Variants in RBFOX1 observed in about 807,000 individuals in gnomAD.
RBFOX1 encodes RNA binding fox-1 homolog 1.
RBFOX1 carries 8 observed loss-of-function variants against 57.7 expected under a neutral mutation model. That is an observed-to-expected ratio of 0.14 (90% CI 0.08 to 0.25). The LOEUF (loss-of-function observed/expected upper bound fraction) is 0.25, where lower values mean the gene tolerates loss of function less well. RBFOX1 is among the 10% of genes least tolerant of loss of function. RBFOX1 has a pLI of 1.00. For missense variants in RBFOX1, 611 were observed against 548.5 expected (o/e 1.11, Z -1.14); for synonymous variants, 326 against 222.4 (o/e 1.47, Z -4.15).
chr16:6,525,150 G>T (rs1032250489), intron 2 of RBFOX1, among the ~76,000 whole-genome samples: 1 of 152,138 alleles, frequency 6.6e-6, no homozygotes, highest in Admixed American at 6.6e-5. Context: ...ATTGGGAATT[G>T]CTTGCAAACA....
At chr16:7,029,198 G>A (rs145786457) in intron 3 of RBFOX1, among the ~76,000 whole-genome samples, 1,314 of 25,318 alleles carry the variant, frequency 0.052, 156 homozygotes, top group East Asian at 0.38. Flanking sequence ...ATACACATAT[G>A]TATACGTATA....
At position 7,526,108 on chromosome 16, in the gene RBFOX1, A is replaced by T. The variant is rs1200673977; in HGVS notation, c.270+7719A>T. ...AGATTCTCAGAGAAGCGTGAACCCT[A>T]TTGTGAACTGTACATGCGAGGGATC... is the stretch of plus-strand genomic sequence containing the variant. On this transcript the variant is annotated intron_variant, in intron 5 of 15. Coordinates refer to ENST00000550418, the MANE Select transcript of RBFOX1 (RefSeq NM_018723.4). 2.1e-4 allele frequency among the ~76,000 whole-genome samples: 32 copies of T among 152,282 alleles called. No homozygotes were observed. The East Asian group carries it at 5.8e-3, about 28-fold the overall frequency.
chr16:5,240,923 C>T (rs939418820), intron 1 of RBFOX1, among the ~76,000 whole-genome samples: 13 of 152,326 alleles, frequency 8.5e-5, no homozygotes, highest in African/African-American at 2.9e-4. Context: ...GATGAGGGCC[C>T]CCTGGAGAGC....
intron 4 of RBFOX1, among the ~76,000 whole-genome samples, chr16:7,249,348 G>A (rs1284988911): frequency 2.6e-5 from 4 of 152,088 alleles, no homozygotes; most frequent in African/African-American, 9.7e-5. Context: ...GGAGCCTGGA[G>A]GACAATAAGA....
At chr16:6,253,605 GGATA>G (rs891554850) in intron 1 of RBFOX1, among the ~76,000 whole-genome samples, 18 of 113,910 alleles carry the variant, frequency 1.6e-4, no homozygotes, top group Admixed American at 5.7e-4. Context: ...ATAGATAGAT[GGATA>G]GATGGATGGA....
chr16:6,390,177 C>T (rs1054449328), intron 2 of RBFOX1, among the ~76,000 whole-genome samples: 2 of 152,176 alleles, frequency 1.3e-5, no homozygotes, highest in African/African-American at 4.8e-5. Flanking sequence ...TGCGTGCATA[C>T]ATTAGTATTT....
chr16:7,203,500 C>T (rs13335018), intron 4 of RBFOX1, among the ~76,000 whole-genome samples: 6,832 of 152,224 alleles, frequency 0.045, 490 homozygotes, highest in African/African-American at 0.16. Flanking sequence ...CTTAATGCTA[C>T]TGAATTGTAT....
intron 3 of RBFOX1, among the ~76,000 whole-genome samples, chr16:6,898,027 G>T (rs980854180): frequency 6.6e-6 from 1 of 152,158 alleles, no homozygotes. Flanking sequence ...GACCAGGTCA[G>T]GTTTTTCCTT....
chr16:6,501,636 T>C (rs2095932752), intron 2 of RBFOX1, among the ~76,000 whole-genome samples: 1 of 152,180 alleles, frequency 6.6e-6, no homozygotes, highest in East Asian at 1.9e-4. Flanking sequence ...CAGCATGATT[T>C]AGAATCCAAA....
At chr16:5,798,858 G>C (rs2054967170) in intron 3 of RBFOX1, among the ~76,000 whole-genome samples, 1 of 152,100 alleles carries the variant, frequency 6.6e-6, no homozygotes, top group African/African-American at 2.4e-5. Context: ...TCCAGCGTCA[G>C]CTTGGGTGTA....
intron 3 of RBFOX1, among the ~76,000 whole-genome samples, chr16:5,840,295 C>T (rs2151844895): frequency 6.6e-6 from 1 of 152,300 alleles, no homozygotes; most frequent in South Asian, 2.1e-4. Context: ...AGAGGCAGAA[C>T]ATCTGCATGG....
At chr16:5,353,789 G>C (rs540073365) in intron 1 of RBFOX1, among the ~76,000 whole-genome samples, 1 of 151,496 alleles carries the variant, frequency 6.6e-6, no homozygotes, top group Admixed American at 6.6e-5. Flanking sequence ...AGGACGTCTC[G>C]GGGGCTACTG....
chr16:6,972,475 A>G (rs1166677519), intron 3 of RBFOX1, among the ~76,000 whole-genome samples: 1 of 152,102 alleles, frequency 6.6e-6, no homozygotes, highest in Non-Finnish European at 1.5e-5. Context: ...CATTGTATTT[A>G]TCCATTCATC....
intron 3 of RBFOX1, among the ~76,000 whole-genome samples, chr16:6,927,566 A>G (rs879666891): frequency 1.3e-4 from 20 of 151,804 alleles, no homozygotes; most frequent in African/African-American, 3.9e-4. Flanking sequence ...TCGTTTTTGC[A>G]TCATTCACTG....
intron 2 of RBFOX1, among the ~76,000 whole-genome samples, chr16:6,505,352 C>G (rs531101720): frequency 4.6e-4 from 70 of 152,238 alleles, no homozygotes; most frequent in African/African-American, 1.6e-3. Flanking sequence ...TAAAAATGCA[C>G]ACATTTATGA....
At chr16:6,145,174 C>T (rs568962278) in intron 1 of RBFOX1, among the ~76,000 whole-genome samples, 80 of 151,984 alleles carry the variant, frequency 5.3e-4, no homozygotes, top group Non-Finnish European at 1.0e-3. Flanking sequence ...TTTCCTGATC[C>T]TCTCCCATTT....
At chr16:6,883,927 G>T (rs1280600311) in intron 3 of RBFOX1, among the ~76,000 whole-genome samples, 6 of 152,044 alleles carry the variant, frequency 3.9e-5, no homozygotes, top group Admixed American at 2.0e-4. Flanking sequence ...TTTACCCCAG[G>T]TACAAATGAC....
At chr16:5,744,228 C>G (rs1597069880) in intron 3 of RBFOX1, among the ~76,000 whole-genome samples, 1 of 152,286 alleles carries the variant, frequency 6.6e-6, no homozygotes, top group African/African-American at 2.4e-5. Flanking sequence ...AACCCCTACT[C>G]AAACATTCTC....
intron 4 of RBFOX1, among the ~76,000 whole-genome samples, chr16:7,198,635 C>T (rs183122595): frequency 6.6e-6 from 1 of 152,206 alleles, no homozygotes; most frequent in African/African-American, 2.4e-5. Context: ...TCCTGCTCCT[C>T]CATCACATGG....
Sources: gnomAD v4.1 joint callset for allele counts (sites outside exome capture counted in the v4.1 genomes callset) on GRCh38, gnomAD v4.1.1 for gene constraint, MANE v1.5 for transcripts, NCBI Gene and HGNC (gene_info 2026-07-23, HGNC 2026-07-21) for gene names.